GALNT13: variants seen among roughly 807,000 people sequenced by gnomAD.
The protein encoded by GALNT13 is polypeptide N-acetylgalactosaminyltransferase 13, also known as UDP-GalNAc:polypeptide N-acetylgalactosaminyltransferase 13.
GALNT13 carries 28 observed loss-of-function variants against 64.2 expected under a neutral mutation model. The observed-to-expected ratio is 0.44, with a 90% CI of 0.32 to 0.60. The LOEUF (loss-of-function observed/expected upper bound fraction) is 0.60. GALNT13 is among the 20% of genes least tolerant of loss of function. The pLI is 0.05. For synonymous variants in GALNT13, 214 were observed against 224.6 expected (o/e 0.95, Z 0.42); for missense variants, 577 against 669.8 (o/e 0.86, Z 1.53).
At chr2:153,440,636 C>T in the GALNT13 span, among the ~76,000 whole-genome samples, 5 of 152,042 alleles carry the variant, frequency 3.3e-5, no homozygotes, top group Non-Finnish European at 5.9e-5. Flanking sequence ...TTTTAATGAT[C>T]GCCATTCTAT....
the GALNT13 span, among the ~76,000 whole-genome samples, chr2:153,408,182 C>A: frequency 1.3e-5 from 2 of 152,212 alleles, no homozygotes; most frequent in Non-Finnish European, 1.5e-5. Flanking sequence ...AGGAGTGGAC[C>A]ATGAACTGTG....
chr2:153,208,742 G>C, the GALNT13 span, among the ~76,000 whole-genome samples: 1 of 152,042 alleles, frequency 6.6e-6, no homozygotes, highest in Non-Finnish European at 1.5e-5. Context: ...TTTCCAAAGT[G>C]TTTGTACTAT....
At chr2:153,767,236 G>C in the GALNT13 span, among the ~76,000 whole-genome samples, 2 of 152,178 alleles carry the variant, frequency 1.3e-5, no homozygotes, top group Non-Finnish European at 2.9e-5. Context: ...ATTTTGCTTA[G>C]AATAATGGCC....
At chr2:153,765,016 T>C in the GALNT13 span, among the ~76,000 whole-genome samples, 1 of 152,168 alleles carries the variant, frequency 6.6e-6, no homozygotes, top group Admixed American at 6.5e-5. Context: ...AGAAGATGTA[T>C]GAAAATGCCT....
At chr2:153,345,791 T>TTCTC in the GALNT13 span, among the ~76,000 whole-genome samples, 99 of 147,138 alleles carry the variant, frequency 6.7e-4, 1 homozygote, top group African/African-American at 2.1e-3. Context: ...CTTTCTCTCT[T>TTCTC]TCTTTCTCTC....
the GALNT13 span, among the ~76,000 whole-genome samples, chr2:153,441,540 G>T: frequency 6.6e-6 from 1 of 152,184 alleles, no homozygotes. Flanking sequence ...ACTTTGGGCA[G>T]TATGGCCATT....
At chr2:153,789,535 A>G in the GALNT13 span, among the ~76,000 whole-genome samples, 1 of 152,180 alleles carries the variant, frequency 6.6e-6, no homozygotes, top group Non-Finnish European at 1.5e-5. Flanking sequence ...TAGAAGAACT[A>G]GAGAAGCAAG....
the GALNT13 span, among the ~76,000 whole-genome samples, chr2:153,736,670 T>C: frequency 6.6e-6 from 1 of 152,196 alleles, no homozygotes; most frequent in Non-Finnish European, 1.5e-5. Flanking sequence ...CTATCATCTA[T>C]TGTTAAAACT....
At chr2:153,440,891 G>A in the GALNT13 span, among the ~76,000 whole-genome samples, 1 of 152,130 alleles carries the variant, frequency 6.6e-6, no homozygotes, top group African/African-American at 2.4e-5. Context: ...TTCCGATTCT[G>A]TAGGTTACCT....
At chr2:154,384,411 G>A (rs1197240320) in intron 9 of GALNT13, among the ~76,000 whole-genome samples, 1 of 151,718 alleles carries the variant, frequency 6.6e-6, no homozygotes, top group Non-Finnish European at 1.5e-5. Flanking sequence ...TAAGCAGATT[G>A]TAAATAATTA....
chr2:153,400,867 A>C, the GALNT13 span, among the ~76,000 whole-genome samples: 1 of 151,982 alleles, frequency 6.6e-6, no homozygotes, highest in East Asian at 1.9e-4. Context: ...TGATCCTTTC[A>C]AAAAACCAGC....
chr2:153,618,846 C>T, the GALNT13 span, among the ~76,000 whole-genome samples: 7 of 151,826 alleles, frequency 4.6e-5, no homozygotes, highest in African/African-American at 1.7e-4. Context: ...ACTTCTGCTC[C>T]TTTTTGGGTT....
the GALNT13 span, among the ~76,000 whole-genome samples, chr2:153,257,934 C>T: frequency 3.3e-5 from 5 of 152,134 alleles, no homozygotes; most frequent in South Asian, 2.1e-4. Context: ...AAACTGGTCT[C>T]ATACCATTCC....
the GALNT13 span, among the ~76,000 whole-genome samples, chr2:153,489,632 C>T: frequency 5.3e-5 from 8 of 152,080 alleles, no homozygotes; most frequent in South Asian, 6.2e-4. Context: ...TTACTAATCC[C>T]CAACCTATGT....
chr2:153,235,726 G>A, the GALNT13 span, among the ~76,000 whole-genome samples: 6 of 152,084 alleles, frequency 3.9e-5, no homozygotes, highest in Admixed American at 1.3e-4. Context: ...TGCACTGTCA[G>A]GTGGTTTGTT....
At chr2:154,354,331 C>T (rs1425473076) in intron 9 of GALNT13, among the ~76,000 whole-genome samples, 2 of 150,838 alleles carry the variant, frequency 1.3e-5, no homozygotes, top group East Asian at 2.0e-4. Flanking sequence ...ATATTTTTCC[C>T]ACTCCACAGG....
intron 10 of GALNT13, among the ~76,000 whole-genome samples, chr2:154,403,768 G>A (rs1022358274): frequency 6.6e-6 from 1 of 152,078 alleles, no homozygotes; most frequent in Non-Finnish European, 1.5e-5. Flanking sequence ...GATAACCTCT[G>A]GTTAGCTCTG....
the GALNT13 span, among the ~76,000 whole-genome samples, chr2:153,818,700 T>A: frequency 6.6e-6 from 1 of 152,250 alleles, no homozygotes; most frequent in Non-Finnish European, 1.5e-5. Flanking sequence ...AATGCAAGTG[T>A]GTCACATGCC....
At chr2:153,217,986 G>C in the GALNT13 span, among the ~76,000 whole-genome samples, 1 of 152,118 alleles carries the variant, frequency 6.6e-6, no homozygotes, top group Non-Finnish European at 1.5e-5. Flanking sequence ...TTAGTGTGGG[G>C]ATTTGAGCCA....
Sources: gnomAD v4.1 joint callset for allele counts (sites outside exome capture counted in the v4.1 genomes callset) on GRCh38, gnomAD v4.1.1 for gene constraint, MANE v1.5 for transcripts, NCBI Gene and HGNC (gene_info 2026-07-23, HGNC 2026-07-21) for gene names.